TRIM33: variants seen among roughly 807,000 people sequenced by gnomAD.
TRIM33 encodes tripartite motif containing 33.
In TRIM33, 20 loss-of-function variants were observed where a neutral mutation model predicts 125.4. The observed-to-expected ratio is 0.16, with a 90% CI of 0.11 to 0.23. The LOEUF (loss-of-function observed/expected upper bound fraction) is 0.23. Among genes scored for constraint, TRIM33 ranks in the 10% least tolerant of loss-of-function variants. TRIM33 has a pLI of 1.00. For missense variants in TRIM33, 920 were observed against 1,411.4 expected (o/e 0.65, Z 5.58); for synonymous variants, 564 against 513.9 (o/e 1.10, Z -1.32).
intron 16 of TRIM33, among the ~76,000 whole-genome samples, chr1:114,402,305 C>T (rs1287484416): frequency 6.6e-6 from 1 of 151,988 alleles, no homozygotes; most frequent in Admixed American, 6.6e-5. Context: ...AGAGCAGAAG[C>T]GGGGAGAGCA....
At chr1:114,432,374 C>T (rs1648011531) in intron 5 of TRIM33, among the ~76,000 whole-genome samples, 1 of 152,328 alleles carries the variant, frequency 6.6e-6, no homozygotes, top group African/African-American at 2.4e-5. Context: ...AACTGTATCA[C>T]CAGTTTAACC....
intron 5 of TRIM33, among the ~76,000 whole-genome samples, chr1:114,432,515 A>T (rs1648023661): frequency 6.6e-6 from 1 of 152,208 alleles, no homozygotes; most frequent in Admixed American, 6.5e-5. Context: ...GGCCGGGCAC[A>T]GTGGCTCAGG....
intron 3 of TRIM33, 87 bp downstream of exon 3, chr1:114,463,325 T>C: frequency 6.4e-7 from 1 of 1,553,642 alleles, no homozygotes; most frequent in Admixed American, 2.0e-5. Context: ...TATCCAAAGT[T>C]TATAAAGAAT....
At chr1:114,457,737 G>A (rs1337376350) in intron 4 of TRIM33, among the ~76,000 whole-genome samples, 2 of 152,170 alleles carry the variant, frequency 1.3e-5, no homozygotes, top group Non-Finnish European at 2.9e-5. Context: ...AGAGCAGTTT[G>A]GTTTATGGAC....
At chr1:114,419,085 C>T (rs1225702832) in intron 11 of TRIM33, among the ~76,000 whole-genome samples, 1 of 151,386 alleles carries the variant, frequency 6.6e-6, no homozygotes, top group Non-Finnish European at 1.5e-5. Flanking sequence ...CGTGTGCTTC[C>T]AGCTACTTGG....
At chr1:114,502,010 G>A (rs1652747313) in intron 1 of TRIM33, among the ~76,000 whole-genome samples, 1 of 152,064 alleles carries the variant, frequency 6.6e-6, no homozygotes, top group African/African-American at 2.4e-5. Context: ...AAGAGACAGA[G>A]GTTAATTTAT....
At chr1:114,482,404 G>A (rs993038624) in intron 1 of TRIM33, among the ~76,000 whole-genome samples, 5 of 152,164 alleles carry the variant, frequency 3.3e-5, no homozygotes, top group African/African-American at 7.2e-5. Flanking sequence ...AAAGGGGAAC[G>A]AAACTCAAAG....
At chr1:114,418,736 G>A (rs549748316) in intron 11 of TRIM33, among the ~76,000 whole-genome samples, 6 of 152,016 alleles carry the variant, frequency 3.9e-5, no homozygotes, top group Non-Finnish European at 8.8e-5. Flanking sequence ...TTTCTCGCAT[G>A]TCTGACACTG....
intron 4 of TRIM33, 125 bp from the exon 5 acceptor site, chr1:114,433,858 C>T (rs1479251933): frequency 3.6e-6 from 2 of 552,196 alleles, no homozygotes; most frequent in Non-Finnish European, 6.3e-6. Context: ...GCTGGCCACT[C>T]ATACCTTATC....
At chr1:114,445,604 C>T (rs139786280) in intron 4 of TRIM33, among the ~76,000 whole-genome samples, 65 of 152,076 alleles carry the variant, frequency 4.3e-4, no homozygotes, top group Non-Finnish European at 7.9e-4. Context: ...GCTCAGCGAA[C>T]GCCACAGAGG....
chr1:114,395,548 C>T lies in TRIM33; in HGVS notation c.*2100G>A, dbSNP rs931494441. ...CTGACAAAATGAAGTTATACTGCTG[C>T]TATTCCTCACTTTCCAAAAATGTGC... On this transcript the variant is annotated 3_prime_UTR_variant, in exon 20 of 20. Transcript: ENST00000358465. The T allele has an allele frequency of 1.5e-5, 3 of 201,752 alleles. No individual in the cohort carries two copies. The highest frequency in any genetic ancestry group is 6.9e-5 in the African/African-American group (3 of 43,610). 12.5% of individuals were successfully genotyped at this position (201,752 alleles called of 1,614,324 possible). A position where few individuals can be genotyped will look rare whatever the true frequency, so the allele number is the denominator to read the frequency against.
At position 114,397,581 on chromosome 1, in the gene TRIM33, TTTTTTGTG is replaced by T. The variant is rs1301971698; in HGVS notation, c.*59_*66del. ...CAGCAACACTTAAAAGTTTTCTGGGTTTTTTGTGTTTTTTTTTTTTTTTTCGTTTTTTT... is the reference window on the plus strand; with the variant it reads ...CAGCAACACTTAAAAGTTTTCTGGGTTTTTTTTTTTTTTTTTCGTTTTTTT... On this transcript the variant is annotated 3_prime_UTR_variant, in exon 20 of 20. Transcript: ENST00000358465. 1 of 1,234,058 alleles carries T rather than the reference TTTTTTGTG, an allele frequency of 8.1e-7. No homozygotes were observed. The allele number at this position is 1,234,058 out of a possible 1,614,324, so 76.4% of individuals were successfully genotyped here.
chr1:114,484,203 G>T (rs1651528621), intron 1 of TRIM33, among the ~76,000 whole-genome samples: 1 of 152,148 alleles, frequency 6.6e-6, no homozygotes, highest in Non-Finnish European at 1.5e-5. Context: ...TAATAAAGAT[G>T]AGATAGTCAG....
chr1:114,405,587 A>T lies in TRIM33; in HGVS notation c.2591T>A (p.Ile864Asn). The change falls in exon 15 of 20, where the codon ATT becomes AAT. Residue 864 changes from isoleucine (I) to asparagine (N), a missense_variant. Physicochemically the swap from Ile to Asn is moderately radical, Grantham distance 149. Transcript: ENST00000358465. ...LSSLVNGKSP[I>N]RSLMHRSARI... ...TGCCGACCTGTGCATGAGGCTTCGA[A>T]TTGGGGACTTTCCATTAACAAGGCT... 10 of 1,614,166 alleles carry T rather than the reference A, an allele frequency of 6.2e-6. No homozygotes were observed. The highest frequency in any genetic ancestry group is 8.5e-6 in the Non-Finnish European group (10 of 1,180,032).
intron 4 of TRIM33, among the ~76,000 whole-genome samples, chr1:114,455,343 G>C (rs1039549935): frequency 6.6e-6 from 1 of 152,186 alleles, no homozygotes; most frequent in African/African-American, 2.4e-5. Context: ...GGATAGTCAG[G>C]AGATGACTAT....
In TRIM33 at chr1:114,496,551, G is replaced by A. The variant is rs139950560; in HGVS notation, c.526+14000C>T. On this transcript the variant is annotated intron_variant, in intron 1 of 19. Coordinates refer to ENST00000358465, the MANE Select transcript of TRIM33 (RefSeq NM_015906.4). ...ATAGTAAATAACTTAGGTTGTTTAG[G>A]AAAAAAGTATCAAGGATAGTATGTA... 3.0e-3 allele frequency among the ~76,000 whole-genome samples: 449 copies of A among 152,018 alleles called. 4 individuals are homozygous for A. The highest frequency in any genetic ancestry group is 0.01 in the African/African-American group (424 of 41,476).
intron 4 of TRIM33, among the ~76,000 whole-genome samples, chr1:114,461,672 A>C (rs1356077673): frequency 6.6e-6 from 1 of 152,186 alleles, no homozygotes; most frequent in Non-Finnish European, 1.5e-5. Flanking sequence ...AATGCCGCTG[A>C]AGCTATTCTT....
intron 4 of TRIM33, among the ~76,000 whole-genome samples, chr1:114,450,612 T>G (rs1373414419): frequency 1.3e-5 from 2 of 152,214 alleles, no homozygotes; most frequent in Non-Finnish European, 2.9e-5. Flanking sequence ...AGGCTGGTCT[T>G]GAACTCCTGA....
At chr1:114,493,825 C>G (rs557845766) in intron 1 of TRIM33, among the ~76,000 whole-genome samples, 2 of 152,192 alleles carry the variant, frequency 1.3e-5, no homozygotes, top group South Asian at 4.2e-4. Flanking sequence ...AGACGTGAAC[C>G]ACATCTGGCT....
Sources: allele counts gnomAD v4.1 joint callset (sites outside exome capture counted in the v4.1 genomes callset), GRCh38; gene constraint gnomAD v4.1.1; transcripts MANE v1.5; gene names NCBI Gene and HGNC (gene_info 2026-07-23, HGNC 2026-07-21).